VPS54: variants seen among roughly 807,000 people sequenced by gnomAD.
VPS54 encodes the protein vacuolar protein sorting-associated protein 54.
A neutral mutation model predicts 121.5 loss-of-function variants in VPS54; 45 were observed. That is an observed-to-expected ratio of 0.37 (90% confidence interval 0.29 to 0.47). VPS54 has a LOEUF of 0.47. Ranked by LOEUF, VPS54 falls within the 20% of genes least tolerant of loss-of-function variation. VPS54 has a pLI of 0.99. For synonymous variants in VPS54, 371 were observed against 385.8 expected (o/e 0.96, Z 0.45); for missense variants, 1,090 against 1,131.4 (o/e 0.96, Z 0.52).
intron 11 of VPS54, among the ~76,000 whole-genome samples, chr2:63,938,051 G>T (rs1674535718): frequency 1.2e-5 from 1 of 82,512 alleles, no homozygotes; most frequent in East Asian, 2.2e-4. Flanking sequence ...TGTGTGTGTG[G>T]TGTGTGTGGT....
chr2:63,988,417 A>AT (rs1369568164), intron 1 of VPS54, among the ~76,000 whole-genome samples: 1 of 152,134 alleles, frequency 6.6e-6, no homozygotes, highest in African/African-American at 2.4e-5. Context: ...TTTATTGAAG[A>AT]TTTTTTGCAT....
chr2:63,913,719 G>T, intron 17 of VPS54: 1 of 424,282 alleles, frequency 2.4e-6, no homozygotes, highest in Non-Finnish European at 3.2e-6. Flanking sequence ...CATTTCCTCC[G>T]TACTGGTAGT....
chr2:63,956,723 C>T (rs189278859), intron 7 of VPS54, among the ~76,000 whole-genome samples: 4 of 151,968 alleles, frequency 2.6e-5, no homozygotes, highest in African/African-American at 9.7e-5. Flanking sequence ...GGGGAGTGGG[C>T]GATGTCAATA....
At chr2:63,930,806 T>G (rs1382746360) in intron 12 of VPS54, among the ~76,000 whole-genome samples, 1 of 152,212 alleles carries the variant, frequency 6.6e-6, no homozygotes, top group Non-Finnish European at 1.5e-5. Context: ...GATAAGCAAC[T>G]TCAGCAAAGT....
chr2:63,967,278 C>G (rs1396457811), intron 5 of VPS54, among the ~76,000 whole-genome samples: 2 of 151,964 alleles, frequency 1.3e-5, no homozygotes, highest in African/African-American at 4.8e-5. Context: ...CTAATCCCTG[C>G]TTTGGTATTA....
At chr2:63,895,102 A>G (rs894374466) in intron 22 of VPS54, among the ~76,000 whole-genome samples, 2 of 151,678 alleles carry the variant, frequency 1.3e-5, no homozygotes, top group African/African-American at 4.9e-5. Flanking sequence ...TAAATAATTT[A>G]TTATTCTCTG....
chr2:63,894,579 T>C (rs1167888020), intron 22 of VPS54, among the ~76,000 whole-genome samples: 5 of 152,000 alleles, frequency 3.3e-5, no homozygotes, highest in African/African-American at 1.2e-4. Context: ...GCCACACACC[T>C]GTAGTCGCAG....
intron 12 of VPS54, among the ~76,000 whole-genome samples, chr2:63,932,564 G>T (rs1374211389): frequency 6.6e-6 from 1 of 151,778 alleles, no homozygotes; most frequent in East Asian, 1.9e-4. Context: ...TAGGTGATGG[G>T]CTGATGGGTG....
At chr2:63,959,485 T>C (rs1575958802) in intron 7 of VPS54, among the ~76,000 whole-genome samples, 1 of 152,260 alleles carries the variant, frequency 6.6e-6, no homozygotes, top group African/African-American at 2.4e-5. Flanking sequence ...TACAGAAATG[T>C]TTTACATGAA....
At position 64,007,373 on chromosome 2, in the gene VPS54, G is replaced by A. The variant is rs138612321; in HGVS notation, c.-21+11565C>T. On this transcript the variant is annotated intron_variant, in intron 1 of 22. Coordinates refer to ENST00000272322, the MANE Select transcript of VPS54 (RefSeq NM_016516.3). ...AGCATAGGTCAAAGTTAAGTCCATG[G>A]AAGTAGAGTAGACGAGATAAAAATT... Among the ~76,000 whole-genome samples, 171 of 152,300 alleles carry A rather than the reference G, an allele frequency of 1.1e-3. 1 individual carries two copies. Among genetic ancestry groups the A allele is most frequent in the Middle Eastern group, 3.4e-3 (1 of 294 alleles).
intron 3 of VPS54, among the ~76,000 whole-genome samples, chr2:63,972,516 T>C (rs1034312804): frequency 1.1e-4 from 17 of 151,972 alleles, no homozygotes; most frequent in African/African-American, 3.9e-4. Context: ...AGAAAGCAAA[T>C]GGAAAATATT....
intron 1 of VPS54, among the ~76,000 whole-genome samples, chr2:64,010,399 C>T (rs1678375276): frequency 6.6e-6 from 1 of 152,166 alleles, no homozygotes; most frequent in Non-Finnish European, 1.5e-5. Flanking sequence ...CTTAACCACA[C>T]TGTAATGTCC....
intron 1 of VPS54, among the ~76,000 whole-genome samples, chr2:64,010,410 T>C (rs1678375932): frequency 6.6e-6 from 1 of 152,230 alleles, no homozygotes. Context: ...TGTAATGTCC[T>C]ACCAAAGATC....
chr2:64,010,220 T>C (rs1041174460), intron 1 of VPS54, among the ~76,000 whole-genome samples: 1 of 152,250 alleles, frequency 6.6e-6, no homozygotes, highest in Admixed American at 6.5e-5. Context: ...AAGTGGAATT[T>C]CTTTTTAACA....
intron 12 of VPS54, among the ~76,000 whole-genome samples, chr2:63,922,195 G>A (rs1673678161): frequency 6.6e-6 from 1 of 152,084 alleles, no homozygotes; most frequent in South Asian, 2.1e-4. Flanking sequence ...TCAATTTTGA[G>A]GGGGAATGTA....
At chr2:63,901,321 G>A (rs1672671191) in intron 20 of VPS54, among the ~76,000 whole-genome samples, 1 of 152,142 alleles carries the variant, frequency 6.6e-6, no homozygotes, top group South Asian at 2.1e-4. Flanking sequence ...CTCACTTTTG[G>A]CAGAGCATAA....
chr2:63,975,649 G>A (rs1032074051), intron 3 of VPS54: 2 of 152,180 alleles, frequency 1.3e-5, no homozygotes, highest in Non-Finnish European at 2.9e-5. Context: ...TCGCTGACCT[G>A]ACCAATCAGC....
intron 7 of VPS54, among the ~76,000 whole-genome samples, chr2:63,952,240 T>C (rs900054607): frequency 1.2e-4 from 19 of 152,194 alleles, no homozygotes; most frequent in African/African-American, 4.6e-4. Flanking sequence ...ATTTCTGCCA[T>C]ACTTTCAAAT....
chr2:63,925,885 G>C (rs924439385), intron 12 of VPS54, among the ~76,000 whole-genome samples: 1 of 152,090 alleles, frequency 6.6e-6, no homozygotes, highest in Non-Finnish European at 1.5e-5. Flanking sequence ...TCTTGAGGGG[G>C]GTGACAATTA....
Sources: allele counts gnomAD v4.1 joint callset (sites outside exome capture counted in the v4.1 genomes callset), GRCh38; gene constraint gnomAD v4.1.1; transcripts MANE v1.5; gene names NCBI Gene and HGNC (gene_info 2026-07-23, HGNC 2026-07-21).